PDCD1LG2: variants seen among roughly 807,000 people sequenced by gnomAD.
PDCD1LG2 encodes the protein B7 dendritic cell molecule.
Under a neutral mutation model 28.2 loss-of-function variants are expected in PDCD1LG2, and 32 were observed. That is an observed-to-expected ratio of 1.13 (90% confidence interval 0.86 to 1.52). The LOEUF is 1.52. Among genes scored for constraint, PDCD1LG2 ranks in the 40% most tolerant of loss-of-function variants. PDCD1LG2 has a pLI of 0.00. For synonymous variants in PDCD1LG2, 116 were observed against 120.2 expected (o/e 0.97, Z 0.23); for missense variants, 385 against 323.8 (o/e 1.19, Z -1.45).
At chr9:5,550,241 T>C (rs1359954448) in intron 4 of PDCD1LG2, among the ~76,000 whole-genome samples, 2 of 152,228 alleles carry the variant, frequency 1.3e-5, no homozygotes, top group East Asian at 3.8e-4. Context: ...GAGCCTTTAC[T>C]GACTATGCTG....
chr9:5,511,906 G>C (rs182518424), intron 1 of PDCD1LG2, among the ~76,000 whole-genome samples: 48 of 152,312 alleles, frequency 3.2e-4, no homozygotes, highest in African/African-American at 1.1e-3. Context: ...TGAGTCCCAA[G>C]TTCCTAGTGC....
intron 3 of PDCD1LG2, among the ~76,000 whole-genome samples, chr9:5,544,731 T>G (rs1490666854): frequency 1.5e-5 from 2 of 135,118 alleles, no homozygotes. Flanking sequence ...CAACGAAGGC[T>G]GGCTGATGGC....
chr9:5,554,137 A>G (rs760870637), intron 4 of PDCD1LG2, among the ~76,000 whole-genome samples: 23 of 152,070 alleles, frequency 1.5e-4, no homozygotes, highest in Non-Finnish European at 2.4e-4. Flanking sequence ...TTTAATTGCT[A>G]TTTTATTTTC....
At chr9:5,557,447 T>C (rs1377486770) in intron 4 of PDCD1LG2, among the ~76,000 whole-genome samples, 171 bp from the exon 5 acceptor site, 1 of 152,176 alleles carries the variant, frequency 6.6e-6, no homozygotes, top group Non-Finnish European at 1.5e-5. Context: ...CACAGAGTGG[T>C]TGCGAGGAGT....
intron 2 of PDCD1LG2, among the ~76,000 whole-genome samples, chr9:5,523,788 A>G (rs1586794978): frequency 6.6e-6 from 1 of 152,180 alleles, no homozygotes; most frequent in African/African-American, 2.4e-5. Flanking sequence ...CTGTGGCAGG[A>G]CTGGGGGCTT....
intron 4 of PDCD1LG2, among the ~76,000 whole-genome samples, chr9:5,554,459 C>A (rs1586816373): frequency 6.6e-6 from 1 of 152,328 alleles, no homozygotes; most frequent in East Asian, 1.9e-4. Flanking sequence ...CCTTTCTACT[C>A]ATTCTCATAA....
chr9:5,552,056 G>A (rs1490792307), intron 4 of PDCD1LG2, among the ~76,000 whole-genome samples: 1 of 152,164 alleles, frequency 6.6e-6, no homozygotes. Flanking sequence ...GGGTGACCCA[G>A]ACTTAACGAC....
At chr9:5,533,472 G>A (rs543788153) in intron 2 of PDCD1LG2, among the ~76,000 whole-genome samples, 75 of 152,158 alleles carry the variant, frequency 4.9e-4, no homozygotes, top group Non-Finnish European at 9.6e-4. Flanking sequence ...TGAAAATAAA[G>A]CAGTGTTATC....
chr9:5,526,349 G>C (rs537758739), intron 2 of PDCD1LG2, among the ~76,000 whole-genome samples: 36 of 152,232 alleles, frequency 2.4e-4, no homozygotes, highest in African/African-American at 8.7e-4. Flanking sequence ...CCCCAGAAAT[G>C]CTTCACATAC....
chr9:5,527,710 G>T (rs1214401400), intron 2 of PDCD1LG2, among the ~76,000 whole-genome samples: 1 of 152,142 alleles, frequency 6.6e-6, no homozygotes, highest in Non-Finnish European at 1.5e-5. Flanking sequence ...TAAGTGTATG[G>T]TTTATTGTGA....
At chr9:5,558,783 A>G (rs1008046204) in intron 5 of PDCD1LG2, among the ~76,000 whole-genome samples, 17 of 151,400 alleles carry the variant, frequency 1.1e-4, no homozygotes, top group African/African-American at 3.9e-4. Flanking sequence ...TTGTTGCCAA[A>G]AGAAAAAGAC....
At chr9:5,543,852 A>G (rs1441483237) in intron 3 of PDCD1LG2, among the ~76,000 whole-genome samples, 1 of 64,246 alleles carries the variant, frequency 1.6e-5, no homozygotes, top group African/African-American at 6.2e-5. Flanking sequence ...AAAGAAAACA[A>G]TGTCCTGAAT....
chr9:5,537,875 T>TA (rs922500539), intron 3 of PDCD1LG2, among the ~76,000 whole-genome samples: 24 of 149,276 alleles, frequency 1.6e-4, no homozygotes, highest in South Asian at 2.1e-4. Flanking sequence ...AACTTACTGT[T>TA]AAAAAAAAAA....
At chr9:5,517,077 A>C (rs1820181226) in intron 1 of PDCD1LG2, among the ~76,000 whole-genome samples, 1 of 152,184 alleles carries the variant, frequency 6.6e-6, no homozygotes, top group African/African-American at 2.4e-5. Context: ...GTGAGCTATG[A>C]TTGTGCCACT....
intron 2 of PDCD1LG2, among the ~76,000 whole-genome samples, chr9:5,524,023 G>C (rs1368162541): frequency 6.6e-6 from 1 of 152,190 alleles, no homozygotes; most frequent in East Asian, 1.9e-4. Flanking sequence ...CTAGCTCCCA[G>C]TTAGGTATAC....
Position 5,570,353 on chromosome 9 carries a change from G to GATGGGTTGCCAATAGAGTTATTTTTTCT in PDCD1LG2, c.*420_*421insCTATGGGTTGCCAATAGAGTTATTTTTT, listed in dbSNP as rs2129977230. On this transcript the variant is annotated 3_prime_UTR_variant, in exon 7 of 7. Coordinates refer to ENST00000397747, the MANE Select transcript of PDCD1LG2 (RefSeq NM_025239.4). The stretch of plus-strand genomic sequence containing the variant: ...GTGGAAATTTCCAGTAACAGAAACA[G>GATGGGTTGCCAATAGAGTTATTTTTTCT]ATGGGTTGCCAATAGAGTTATTTTT... 1 of 254,050 alleles carries GATGGGTTGCCAATAGAGTTATTTTTTCT rather than the reference G, an allele frequency of 3.9e-6. No individual in the cohort carries two copies. The highest frequency in any genetic ancestry group is 5.0e-5 in the Admixed American group (1 of 19,936). 15.7% of individuals were successfully genotyped at this position (254,050 alleles called of 1,614,324 possible). A position where few individuals can be genotyped will look rare whatever the true frequency, so the allele number is the denominator to read the frequency against.
At chr9:5,559,707 C>T (rs1223879341) in intron 5 of PDCD1LG2, among the ~76,000 whole-genome samples, 3 of 152,206 alleles carry the variant, frequency 2.0e-5, no homozygotes, top group African/African-American at 7.2e-5. Flanking sequence ...CCAACTTGGT[C>T]TGTTCTCACT....
intron 3 of PDCD1LG2, among the ~76,000 whole-genome samples, chr9:5,546,973 T>C (rs1816223209): frequency 6.6e-6 from 1 of 152,118 alleles, no homozygotes; most frequent in South Asian, 2.1e-4. Flanking sequence ...CCAGATCTAG[T>C]GGGTGTTGTT....
At chr9:5,559,759 T>C (rs1281461908) in intron 5 of PDCD1LG2, among the ~76,000 whole-genome samples, 1 of 152,210 alleles carries the variant, frequency 6.6e-6, no homozygotes, top group Non-Finnish European at 1.5e-5. Flanking sequence ...ATCTACCATG[T>C]GTCCTCTGTC....
Sources: allele counts gnomAD v4.1 joint callset (sites outside exome capture counted in the v4.1 genomes callset), GRCh38; gene constraint gnomAD v4.1.1; transcripts MANE v1.5; gene names NCBI Gene and HGNC (gene_info 2026-07-23, HGNC 2026-07-21).